Variants in GALNT2 observed in about 807,000 individuals in gnomAD.
The protein encoded by GALNT2 is polypeptide N-acetylgalactosaminyltransferase 2.
A neutral mutation model predicts 81.4 loss-of-function variants in GALNT2; 31 were observed. The ratio of observed to expected loss-of-function variants is 0.38; its 90% CI spans 0.29 to 0.51. The LOEUF is 0.51. Among genes scored for constraint, GALNT2 ranks in the 20% least tolerant of loss-of-function variants. The pLI is 0.87. For missense variants in GALNT2, 629 were observed against 765.7 expected, an observed-to-expected ratio of 0.82 and a Z score of 2.11; for synonymous variants, 303 against 287.4, an observed-to-expected ratio of 1.05 and a Z score of -0.55.
chr1:230,169,105 A>C (rs1662707230), intron 1 of GALNT2, among the ~76,000 whole-genome samples: 1 of 152,226 alleles, frequency 6.6e-6, no homozygotes, highest in Non-Finnish European at 1.5e-5. Flanking sequence ...GGAGAGGAAG[A>C]CCACAGAAGT....
intron 1 of GALNT2, among the ~76,000 whole-genome samples, chr1:230,088,012 G>A (rs1659948265): frequency 6.6e-6 from 1 of 152,150 alleles, no homozygotes; most frequent in African/African-American, 2.4e-5. Context: ...GAATATGGGG[G>A]TGGACTGGGG....
At chr1:230,222,031 C>CTTTTT (rs564681409) in intron 3 of GALNT2, among the ~76,000 whole-genome samples, 1,956 of 96,108 alleles carry the variant, frequency 0.02, 402 homozygotes, top group African/African-American at 0.093. Context: ...CTGCTTTTCT[C>CTTTTT]TTTTTTTTTT....
intron 1 of GALNT2, among the ~76,000 whole-genome samples, chr1:230,126,041 G>T (rs1571991266): frequency 6.6e-6 from 1 of 152,234 alleles, no homozygotes; most frequent in African/African-American, 2.4e-5. Flanking sequence ...TTCAGAGGAC[G>T]GTGTGTGGGC....
intron 1 of GALNT2, among the ~76,000 whole-genome samples, chr1:230,140,169 C>T (rs80203588): frequency 0.074 from 11,223 of 152,282 alleles, 532 homozygotes; most frequent in Non-Finnish European, 0.11. Context: ...TTTTAATGGC[C>T]AGCTCACCTC....
chr1:230,178,220 G>A lies in GALNT2; in HGVS notation c.129G>A (p.Glu43=). The change falls in exon 2 of 16, where the codon GAG becomes GAA. Residue 43 remains glutamate, a splice_region_variant and synonymous_variant. Coordinates refer to ENST00000366672, the MANE Select transcript of GALNT2 (RefSeq NM_004481.5). ...GGAGGGAGRK[E]DWNEIDPIKK... ...ATTCAGTGTCTTTGTTCCCCTAGGA[G>A]GACTGGAATGAAATTGACCCCATTA... is the stretch of plus-strand genomic sequence containing the variant. 6.2e-7 allele frequency: 1 copy of A among 1,612,674 alleles called. No homozygotes were observed. The highest frequency in any genetic ancestry group is 8.5e-7 in the Non-Finnish European group (1 of 1,178,788).
intron 1 of GALNT2, among the ~76,000 whole-genome samples, chr1:230,089,376 G>T (rs964365711): frequency 6.6e-6 from 1 of 151,892 alleles, no homozygotes; most frequent in Non-Finnish European, 1.5e-5. Flanking sequence ...GGCCAGGCTG[G>T]TCTTGACCTC....
chr1:230,118,634 C>T (rs927026127), intron 1 of GALNT2, among the ~76,000 whole-genome samples: 4 of 152,080 alleles, frequency 2.6e-5, no homozygotes, highest in African/African-American at 7.2e-5. Flanking sequence ...GGCTTCTTCC[C>T]ACCTCTCTCC....
At chr1:230,135,874 T>A (rs1661522357) in intron 1 of GALNT2, among the ~76,000 whole-genome samples, 1 of 151,678 alleles carries the variant, frequency 6.6e-6, no homozygotes, top group African/African-American at 2.4e-5. Context: ...TTTTTTTTTT[T>A]ATAGATGGGG....
At chr1:230,130,899 C>T (rs1661346575) in intron 1 of GALNT2, among the ~76,000 whole-genome samples, 1 of 152,146 alleles carries the variant, frequency 6.6e-6, no homozygotes, top group African/African-American at 2.4e-5. Flanking sequence ...GGCTGGCCCA[C>T]ACCCGTGACT....
At chr1:230,078,912 C>A (rs1223246509) in intron 1 of GALNT2, among the ~76,000 whole-genome samples, 1 of 152,186 alleles carries the variant, frequency 6.6e-6, no homozygotes, top group Admixed American at 6.5e-5. Flanking sequence ...TGGGCTCAGG[C>A]GATTCTCCAC....
chr1:230,141,663 G>C (rs978257018), intron 1 of GALNT2, among the ~76,000 whole-genome samples: 1 of 152,062 alleles, frequency 6.6e-6, no homozygotes, highest in Non-Finnish European at 1.5e-5. Context: ...TTATGGTTAG[G>C]CCACATTTTG....
chr1:230,203,380 A>C, intron 3 of GALNT2, 90 bp downstream of exon 3: 10 of 1,418,100 alleles, frequency 7.1e-6, no homozygotes, highest in South Asian at 1.3e-5. Flanking sequence ...GAACTTCTCC[A>C]TTACTCTGGG....
intron 1 of GALNT2, among the ~76,000 whole-genome samples, chr1:230,122,736 TA>T (rs1316869430): frequency 6.6e-6 from 1 of 152,122 alleles, no homozygotes; most frequent in Admixed American, 6.6e-5. Context: ...TATCTATATT[TA>T]GGATAAGCCC....
chr1:230,059,918 C>T (rs1377458610), intron 1 of GALNT2, among the ~76,000 whole-genome samples: 2 of 152,142 alleles, frequency 1.3e-5, no homozygotes, highest in Non-Finnish European at 2.9e-5. Context: ...TTCTAAGCAA[C>T]TATAGTACAG....
At chr1:230,061,990 A>G (rs1571916099) in intron 1 of GALNT2, among the ~76,000 whole-genome samples, 1 of 152,174 alleles carries the variant, frequency 6.6e-6, no homozygotes. Context: ...TCATTTAACA[A>G]AATATCCTGG....
intron 1 of GALNT2, among the ~76,000 whole-genome samples, chr1:230,130,456 G>T (rs141073166): frequency 2.0e-5 from 3 of 152,290 alleles, no homozygotes; most frequent in African/African-American, 7.2e-5. Flanking sequence ...GGTTGTGAAG[G>T]GTTTGGGAGC....
At chr1:230,181,084 T>C (rs957643848) in intron 2 of GALNT2, among the ~76,000 whole-genome samples, 1 of 134,004 alleles carries the variant, frequency 7.5e-6, no homozygotes, top group Admixed American at 7.3e-5. Context: ...TTCCAATCTT[T>C]ATACTTTTTT....
At chr1:230,164,338 T>G (rs1662532287) in intron 1 of GALNT2, among the ~76,000 whole-genome samples, 1 of 152,204 alleles carries the variant, frequency 6.6e-6, no homozygotes, top group Non-Finnish European at 1.5e-5. Flanking sequence ...GCACCCGAGT[T>G]CCCTGTACAC....
chr1:230,091,179 C>G (rs1177139009), intron 1 of GALNT2, among the ~76,000 whole-genome samples: 1 of 152,078 alleles, frequency 6.6e-6, no homozygotes, highest in African/African-American at 2.4e-5. Flanking sequence ...ATCTATTCTC[C>G]TGCCTCAGCC....
Sources: allele counts gnomAD v4.1 joint callset (sites outside exome capture counted in the v4.1 genomes callset), GRCh38; gene constraint gnomAD v4.1.1; transcripts MANE v1.5; gene names NCBI Gene and HGNC (gene_info 2026-07-23, HGNC 2026-07-21).